The following SCOC variants were observed in gnomAD, a reference collection of about 807,000 sequenced individuals.
SCOC encodes short coiled-coil protein.
Under a neutral mutation model 9.9 loss-of-function variants are expected in SCOC, and 7 were observed. That is an observed-to-expected ratio of 0.71 (90% CI 0.40 to 1.33). The LOEUF (loss-of-function observed/expected upper bound fraction) is 1.33, where lower values mean the gene tolerates loss of function less well. Ranked by LOEUF, SCOC falls within the 40% of genes most tolerant of loss-of-function variation. The probability of loss-of-function intolerance (pLI) is 0.01; values close to 1 mark genes in which losing one functional copy is unlikely to be tolerated. For missense variants in SCOC, 66 were observed against 89.7 expected, an observed-to-expected ratio of 0.74 and a Z score of 1.07; for synonymous variants, 19 against 28.2, an observed-to-expected ratio of 0.67 and a Z score of 1.03.
At chr4:140,305,860 C>T (rs1048828917) in intron 1 of SCOC, among the ~76,000 whole-genome samples, 5 of 152,180 alleles carry the variant, frequency 3.3e-5, no homozygotes, top group African/African-American at 1.2e-4. Context: ...GGCTTTCCCA[C>T]ACAACGCTAG....
At chr4:140,301,013 G>A (rs1399154163) in intron 1 of SCOC, among the ~76,000 whole-genome samples, 2 of 152,146 alleles carry the variant, frequency 1.3e-5, no homozygotes, top group Non-Finnish European at 2.9e-5. Flanking sequence ...GCCCAAAGAA[G>A]GGACCTTTGC....
chr4:140,320,633 G>A (rs1221857923), intron 1 of SCOC, among the ~76,000 whole-genome samples: 1 of 152,142 alleles, frequency 6.6e-6, no homozygotes, highest in Non-Finnish European at 1.5e-5. Flanking sequence ...AGATCAAGGA[G>A]AAGCCTCAGA....
intron 1 of SCOC, among the ~76,000 whole-genome samples, chr4:140,267,329 G>A (rs998629273): frequency 6.6e-6 from 1 of 152,148 alleles, no homozygotes; most frequent in Non-Finnish European, 1.5e-5. Context: ...CAGCATAGTC[G>A]TCAGTGGCTT....
intron 1 of SCOC, among the ~76,000 whole-genome samples, chr4:140,268,054 A>G (rs1299183691): frequency 6.6e-6 from 1 of 152,222 alleles, no homozygotes; most frequent in East Asian, 1.9e-4. Flanking sequence ...CTCCAGAACG[A>G]CATAAGCTGT....
intron 1 of SCOC, among the ~76,000 whole-genome samples, chr4:140,265,463 G>A (rs562467319): frequency 4.0e-4 from 61 of 152,240 alleles, no homozygotes; most frequent in Non-Finnish European, 6.5e-4. Flanking sequence ...TTTGCAAATC[G>A]GGCAGCCTCC....
intron 1 of SCOC, among the ~76,000 whole-genome samples, chr4:140,290,639 C>CCCATCTCTA (rs1731444318): frequency 6.6e-6 from 1 of 152,174 alleles, no homozygotes; most frequent in African/African-American, 2.4e-5. Flanking sequence ...ATGGTGAAAC[C>CCCATCTCTA]CCATCTCTAC....
chr4:140,305,470 G>A (rs1290021962), intron 1 of SCOC, among the ~76,000 whole-genome samples: 1 of 152,116 alleles, frequency 6.6e-6, no homozygotes, highest in Non-Finnish European at 1.5e-5. Flanking sequence ...AAATTCTATT[G>A]GCCAAATAGG....
At chr4:140,285,086 G>A (rs1731227063) in intron 1 of SCOC, 1 of 439,078 alleles carries the variant, frequency 2.3e-6, no homozygotes, top group South Asian at 1.6e-5. Flanking sequence ...CACAACAACA[G>A]ATGAGGAAAC....
chr4:140,366,498 G>C (rs1393237649), intron 2 of SCOC: 1 of 1,570,252 alleles, frequency 6.4e-7, no homozygotes, highest in Non-Finnish European at 8.8e-7. Flanking sequence ...CTTCATTCTT[G>C]ATTATTCTGT....
chr4:140,267,547 A>G (rs1368184708), intron 1 of SCOC, among the ~76,000 whole-genome samples: 2 of 152,124 alleles, frequency 1.3e-5, no homozygotes, highest in African/African-American at 4.8e-5. Context: ...GGAGGATGAT[A>G]GGAGGCGCTG....
At chr4:140,361,394 T>C (rs1727461906) in intron 2 of SCOC, among the ~76,000 whole-genome samples, 1 of 152,204 alleles carries the variant, frequency 6.6e-6, no homozygotes, top group Non-Finnish European at 1.5e-5. Flanking sequence ...GCCAGCGCAG[T>C]GGCTCACACT....
intron 1 of SCOC, among the ~76,000 whole-genome samples, chr4:140,285,844 C>A (rs926564024): frequency 8.5e-5 from 13 of 152,110 alleles, no homozygotes; most frequent in Non-Finnish European, 1.9e-4. Context: ...GCATATCCTC[C>A]AATCTCCCAG....
intron 1 of SCOC, among the ~76,000 whole-genome samples, chr4:140,304,910 A>G (rs1731922878): frequency 6.6e-6 from 1 of 152,180 alleles, no homozygotes. Context: ...CCATCTTCTC[A>G]GAATGATGTA....
chr4:140,315,420 T>A (rs1402257937), intron 1 of SCOC, among the ~76,000 whole-genome samples: 1 of 152,218 alleles, frequency 6.6e-6, no homozygotes, highest in Non-Finnish European at 1.5e-5. Flanking sequence ...AGTAAGTGAC[T>A]GGAGATCACC....
rs139336793 is a variant in SCOC at position 140,367,775 on chromosome 4, A to G, written c.71-11346A>G. ...GTTTAGAGAATCACAGAATCACAAA[A>G]TCACAAAAGCTGGAATGAGGTGGCT... On this transcript the variant is annotated intron_variant, in intron 2 of 4. Transcript: ENST00000338517. Among the ~76,000 whole-genome samples the G allele has an allele frequency of 3.3e-3, 508 of 152,336 alleles. 2 individuals are homozygous for G. The highest frequency in any genetic ancestry group is 0.013 in the South Asian group (61 of 4,824).
chr4:140,350,234 T>C (rs543235552), intron 2 of SCOC, among the ~76,000 whole-genome samples: 20 of 149,574 alleles, frequency 1.3e-4, no homozygotes, highest in Admixed American at 1.3e-3. Context: ...AACCCCTAAC[T>C]TATCTCTGTC....
At chr4:140,340,539 C>T (rs528550755), upstream of SCOC, among the ~76,000 whole-genome samples, 182 of 151,390 alleles carry the variant, frequency 1.2e-3, no homozygotes, top group African/African-American at 4.0e-3. Context: ...ACTGGATATC[C>T]GAATGTAAAA....
chr4:140,303,520 C>T (rs564576622), intron 1 of SCOC, among the ~76,000 whole-genome samples: 1 of 152,324 alleles, frequency 6.6e-6, no homozygotes, highest in South Asian at 2.1e-4. Context: ...TGGCTAGGAT[C>T]CTGATCTATC....
chr4:140,270,166 C>T (rs994723141), intron 1 of SCOC, among the ~76,000 whole-genome samples: 2 of 152,088 alleles, frequency 1.3e-5, no homozygotes, highest in Non-Finnish European at 2.9e-5. Context: ...ATGGGGGATA[C>T]AAGGTATAAG....
Sources: allele counts gnomAD v4.1 joint callset (sites outside exome capture counted in the v4.1 genomes callset), GRCh38; gene constraint gnomAD v4.1.1; transcripts MANE v1.5; gene names NCBI Gene and HGNC (gene_info 2026-07-23, HGNC 2026-07-21).